Variants in TMEM164 observed in about 807,000 individuals in gnomAD.
TMEM164 encodes RP13-360B22.2.
In TMEM164, 4 loss-of-function variants were observed where a neutral mutation model predicts 18.8. The observed-to-expected ratio is 0.21, with a 90% CI of 0.10 to 0.49. The LOEUF (loss-of-function observed/expected upper bound fraction) is 0.49. Ranked by LOEUF, TMEM164 falls within the 20% of genes least tolerant of loss-of-function variation. TMEM164 has a pLI of 0.98. For missense variants in TMEM164, 108 were observed against 239.9 expected (o/e 0.45, Z 3.63); for synonymous variants, 86 against 101.7 (o/e 0.85, Z 0.93).
intron 3 of TMEM164, among the ~76,000 whole-genome samples, chrX:110,092,321 T>A (rs2065942937): frequency 8.9e-6 from 1 of 112,102 alleles, no homozygotes; most frequent in African/African-American, 3.2e-5. Flanking sequence ...TTTCACAATA[T>A]CGATACTTCC....
chrX:110,170,920 A>G (rs1044152997), intron 5 of TMEM164, among the ~76,000 whole-genome samples: 1 of 112,011 alleles, frequency 8.9e-6, no homozygotes, highest in South Asian at 3.7e-4. Flanking sequence ...ATGGCCCGTA[A>G]GCGGTAGAGT....
chrX:110,057,717 T>C lies in TMEM164; in HGVS notation c.391-9630T>C, dbSNP rs755722791. Among the ~76,000 whole-genome samples, 3 of 111,019 alleles carry C rather than the reference T, an allele frequency of 2.7e-5. No individual in the cohort carries two copies. The Admixed American group carries it at 2.9e-4, about 11-fold the overall frequency. On this transcript the variant is annotated intron_variant, in intron 2 of 6. Coordinates refer to ENST00000372068, the MANE Select transcript of TMEM164 (RefSeq NM_032227.4). Reference sequence around the variant, plus strand: ...AGGGTGACATGAGATCTCACTGTGGTTTTCATTTGCATATCCCCAATGATT... The same window carrying C: ...AGGGTGACATGAGATCTCACTGTGGCTTTCATTTGCATATCCCCAATGATT...
intron 2 of TMEM164, among the ~76,000 whole-genome samples, chrX:110,064,557 C>A (rs1028598651): frequency 9.0e-6 from 1 of 111,671 alleles, no homozygotes; most frequent in African/African-American, 3.3e-5. Flanking sequence ...CATGAGTTTT[C>A]TGGAAATGCA....
chrX:110,087,343 C>T (rs1315572697), intron 3 of TMEM164, among the ~76,000 whole-genome samples: 8 of 111,815 alleles, frequency 7.2e-5, no homozygotes, highest in Non-Finnish European at 9.4e-5. Flanking sequence ...TTGAGACTTT[C>T]TCTGAGTTGG....
At chrX:110,093,559 T>C (rs1273833928) in intron 3 of TMEM164, among the ~76,000 whole-genome samples, 1 of 112,100 alleles carries the variant, frequency 8.9e-6, no homozygotes, top group African/African-American at 3.2e-5. Flanking sequence ...TTATTGTGTA[T>C]ATTTGATTCT....
intron 4 of TMEM164, among the ~76,000 whole-genome samples, chrX:110,110,833 G>A (rs990308066): frequency 3.6e-5 from 4 of 112,496 alleles, no homozygotes; most frequent in African/African-American, 1.3e-4. Flanking sequence ...TCAAAGTGTG[G>A]TCCTAGGATC....
At chrX:110,154,720 T>C (rs1266088517) in intron 5 of TMEM164, among the ~76,000 whole-genome samples, 1 of 112,276 alleles carries the variant, frequency 8.9e-6, no homozygotes, top group Non-Finnish European at 1.9e-5. Flanking sequence ...GTGCCTGGCC[T>C]GCACTAGAGT....
chrX:110,105,115 C>T (rs911700010), intron 3 of TMEM164, among the ~76,000 whole-genome samples: 1 of 107,973 alleles, frequency 9.3e-6, no homozygotes, highest in Non-Finnish European at 1.9e-5. Context: ...TTCCTTCACT[C>T]CTTTCCCTCC....
At chrX:110,018,350 A>G (rs1347616118) in intron 2 of TMEM164, among the ~76,000 whole-genome samples, 1 of 112,059 alleles carries the variant, frequency 8.9e-6, no homozygotes, top group East Asian at 2.8e-4. Context: ...TTGTAGGTTC[A>G]TCACTAGCTG....
At chrX:110,039,139 AGAG>A (rs1251377486) in intron 2 of TMEM164, among the ~76,000 whole-genome samples, 1 of 112,268 alleles carries the variant, frequency 8.9e-6, no homozygotes, top group Non-Finnish European at 1.9e-5. Flanking sequence ...TGTAAAGATT[AGAG>A]AGTGTCTGTA....
At chrX:110,136,217 G>A (rs1263424817) in intron 4 of TMEM164, among the ~76,000 whole-genome samples, 1 of 111,313 alleles carries the variant, frequency 9.0e-6, no homozygotes, top group Admixed American at 9.5e-5. Flanking sequence ...ATGGCAATGT[G>A]GTATTCTGTA....
At position 110,176,963 on chromosome X, in the gene TMEM164, C is replaced by T. The variant is rs1243663894; in HGVS notation, c.*3512C>T. 8.9e-6 allele frequency: 1 copy of T among 112,402 alleles called. No individual in the cohort carries two copies. The highest frequency in any genetic ancestry group is 3.2e-5 in the African/African-American group (1 of 30,914). The allele number at this position is 112,402 out of a possible 1,213,427, so 9.3% of individuals were successfully genotyped here. On this transcript the variant is annotated 3_prime_UTR_variant, in exon 7 of 7. Transcript: ENST00000372068. ...CCCTTGTGGGCTCCTTGGCAAGGCC[C>T]CAGGCTGGGAAGGAGCTCCCCCCAC...
rs779852323 is a variant in TMEM164 at position 110,097,593 on chromosome X, C to T, written c.441-11487C>T. On this transcript the variant is annotated intron_variant, in intron 3 of 6. Transcript: ENST00000372068. The stretch of plus-strand genomic sequence containing the variant: ...TACAAACATAATAAATGTATAAAAA[C>T]GTGGGCAACAAGGAAGTCAACTACT... 3.6e-5 allele frequency among the ~76,000 whole-genome samples: 4 copies of T among 111,952 alleles called. No homozygotes were observed. The East Asian group carries it at 1.1e-3, about 31-fold the overall frequency.
At chrX:110,157,866 AATTG>A (rs1218068942) in intron 5 of TMEM164, among the ~76,000 whole-genome samples, 1 of 111,132 alleles carries the variant, frequency 9.0e-6, no homozygotes, top group Admixed American at 9.5e-5. Flanking sequence ...TTTGAATTGA[AATTG>A]ATTGGTTGGT....
intron 2 of TMEM164, among the ~76,000 whole-genome samples, chrX:110,032,774 A>G (rs1461697720): frequency 2.7e-5 from 3 of 111,875 alleles, no homozygotes; most frequent in Admixed American, 9.5e-5. Flanking sequence ...AGTTCCTGAG[A>G]GGTCCTGCAA....
At position 110,072,060 on chromosome X, in the gene TMEM164, G is replaced by A. The variant is rs758975207; in HGVS notation, c.440+4664G>A. On this transcript the variant is annotated intron_variant, in intron 3 of 6. Transcript: ENST00000372068. ...GGGTGCCTGTAATCCCAGCACTTTGGGAGGCTGAGGTGGTCAGACCACCTG... is the reference window on the plus strand; with the variant it reads ...GGGTGCCTGTAATCCCAGCACTTTGAGAGGCTGAGGTGGTCAGACCACCTG... Among the ~76,000 whole-genome samples, 4 of 110,137 alleles carry A rather than the reference G, an allele frequency of 3.6e-5. No individual in the cohort carries two copies. The East Asian group carries it at 1.1e-3, about 32-fold the overall frequency.
intron 4 of TMEM164, among the ~76,000 whole-genome samples, chrX:110,123,389 G>A (rs1323192114): frequency 2.7e-5 from 3 of 111,826 alleles, no homozygotes; most frequent in African/African-American, 9.8e-5. Context: ...GTGTGTGTGT[G>A]AATGTTGAAA....
At chrX:110,022,782 G>A (rs768881185) in intron 2 of TMEM164, among the ~76,000 whole-genome samples, 4 of 112,225 alleles carry the variant, frequency 3.6e-5, no homozygotes, top group African/African-American at 9.7e-5. Context: ...TTATTATCAA[G>A]GCTCATTAAC....
In TMEM164 at chrX:110,175,345, T is replaced by A. The variant is rs748194075; in HGVS notation, c.*1894T>A. The A allele has an allele frequency of 8.8e-6, 1 of 113,258 alleles. No individual in the cohort carries two copies. The highest frequency in any genetic ancestry group is 1.9e-5 in the Non-Finnish European group (1 of 53,419). The allele number at this position is 113,258 out of a possible 1,213,427, so 9.3% of individuals were successfully genotyped here. A position where few individuals can be genotyped will look rare whatever the true frequency, so the allele number is the denominator to read the frequency against. The stretch of plus-strand genomic sequence containing the variant: ...GGAAGGGGATTGTGGGAGGAGCCCC[T>A]GGGGGCCTGGTCTGTCCTCCACCAG... On this transcript the variant is annotated 3_prime_UTR_variant, in exon 7 of 7. Coordinates refer to ENST00000372068, the MANE Select transcript of TMEM164 (RefSeq NM_032227.4).
Sources: allele counts gnomAD v4.1 joint callset (sites outside exome capture counted in the v4.1 genomes callset), GRCh38; gene constraint gnomAD v4.1.1; transcripts MANE v1.5; gene names NCBI Gene and HGNC (gene_info 2026-07-23, HGNC 2026-07-21).